SLC43A3: variants seen among roughly 807,000 people sequenced by gnomAD.
SLC43A3 encodes solute carrier family 43 member 3.
Under a neutral mutation model 53.3 loss-of-function variants are expected in SLC43A3, and 33 were observed. That is an observed-to-expected ratio of 0.62 (90% CI 0.47 to 0.83). SLC43A3 has a LOEUF of 0.83. Ranked by LOEUF, SLC43A3 falls within the 40% of genes least tolerant of loss-of-function variation. The pLI is 0.00. For synonymous variants in SLC43A3, 236 were observed against 246.2 expected, an observed-to-expected ratio of 0.96 and a Z score of 0.39; for missense variants, 530 against 610.0, an observed-to-expected ratio of 0.87 and a Z score of 1.38.
intron 12 of SLC43A3, 139 bp downstream of exon 12, chr11:57,409,796 C>T (rs962028162): frequency 1.8e-5 from 13 of 738,894 alleles, no homozygotes; most frequent in Non-Finnish European, 2.4e-5. Flanking sequence ...TGGTCTCACC[C>T]CCTCCACACC....
intron 5 of SLC43A3, chr11:57,423,632 G>T (rs1446285451): frequency 5.5e-6 from 1 of 182,626 alleles, no homozygotes; most frequent in Non-Finnish European, 1.2e-5. Flanking sequence ...ATTTCACCAT[G>T]TTGGCCAGGC....
chr11:57,416,287 G>A (rs1403527824), intron 9 of SLC43A3, among the ~76,000 whole-genome samples: 3 of 152,322 alleles, frequency 2.0e-5, no homozygotes, highest in Non-Finnish European at 2.9e-5. Flanking sequence ...CATCACAGAA[G>A]AGGGCAGAAC....
At position 57,407,283 on chromosome 11, in the gene SLC43A3, C is replaced by G. The variant is rs890775593; in HGVS notation, c.*509G>C. The stretch of plus-strand genomic sequence containing the variant: ...TCCAGCATCAGTGGCTGGGCTGAGA[C>G]TGGGCCCAGGGAACCCTGTCTGCTC... On this transcript the variant is annotated 3_prime_UTR_variant, in exon 14 of 14. Coordinates refer to ENST00000395124, the MANE Select transcript of SLC43A3 (RefSeq NM_199329.3). 1 of 154,510 alleles carries G rather than the reference C, an allele frequency of 6.5e-6. No individual in the cohort carries two copies. Among genetic ancestry groups the G allele is most frequent in the African/African-American group, 2.4e-5 (1 of 41,468 alleles). 9.6% of individuals were successfully genotyped at this position (154,510 alleles called of 1,614,324 possible).
intron 10 of SLC43A3, 48 bp from the exon 11 acceptor site, chr11:57,414,779 C>T: frequency 1.3e-6 from 2 of 1,560,308 alleles, no homozygotes; most frequent in Non-Finnish European, 1.8e-6. Flanking sequence ...TCCAAAACTC[C>T]CTTCCAGGCA....
intron 7 of SLC43A3, 56 bp downstream of exon 7, chr11:57,420,916 G>T: frequency 1.7e-6 from 2 of 1,189,182 alleles, no homozygotes; most frequent in Non-Finnish European, 2.5e-6. Context: ...AGGTTCACAA[G>T]ACAAGTGTCT....
At chr11:57,409,532 G>C (rs767027114) in intron 12 of SLC43A3, among the ~76,000 whole-genome samples, 5 of 152,210 alleles carry the variant, frequency 3.3e-5, no homozygotes, top group African/African-American at 4.8e-5. Context: ...CCTCATGCAG[G>C]CTGCACCAGG....
At position 57,426,168 on chromosome 11, in the gene SLC43A3, G is replaced by A. The variant is rs749643960; in HGVS notation, c.5C>T (p.Ala2Val). Residue 2 changes from alanine (A) to valine (V), a missense_variant, in exon 3 of 14, where the codon GCG (alanine) becomes GTG (valine). Physicochemically the swap from Ala to Val is moderately conservative, Grantham distance 64. Around this residue, in one of 3 missense-constraint regions of SLC43A3, gnomAD observed 30 missense variants for 57.0 expected, o/e 0.53. Transcript: ENST00000395124. Reference sequence around the variant, plus strand: ...CACGTGCAGGGGCAGGCCCTGGCCCGCCATGAGCAGAAGTGGAGTGGATCT... The same window carrying A: ...CACGTGCAGGGGCAGGCCCTGGCCCACCATGAGCAGAAGTGGAGTGGATCT... M[A>V]GQGLPLHVAT... 3.9e-5 allele frequency: 63 copies of A among 1,613,846 alleles called. No individual in the cohort carries two copies. The highest frequency in any genetic ancestry group is 3.3e-4 in the Middle Eastern group (2 of 6,038).
intron 4 of SLC43A3, among the ~76,000 whole-genome samples, chr11:57,424,655 G>A (rs1012386457): frequency 1.3e-5 from 2 of 152,124 alleles, no homozygotes; most frequent in African/African-American, 2.4e-5. Context: ...GAAGAGGGAG[G>A]GGACAAAGGA....
At chr11:57,410,755 C>A (rs1475561017) in intron 11 of SLC43A3, among the ~76,000 whole-genome samples, 1 of 152,188 alleles carries the variant, frequency 6.6e-6, no homozygotes, top group African/African-American at 2.4e-5. Context: ...AATTATATCT[C>A]CCAGAATTCC....
chr11:57,418,550 G>A (rs985766036), intron 7 of SLC43A3, among the ~76,000 whole-genome samples: 3 of 152,074 alleles, frequency 2.0e-5, no homozygotes, highest in African/African-American at 7.2e-5. Context: ...AAATAAATCA[G>A]CTGGGCGTGA....
intron 7 of SLC43A3, among the ~76,000 whole-genome samples, chr11:57,418,815 G>C (rs1350602390): frequency 6.6e-6 from 1 of 151,962 alleles, no homozygotes; most frequent in Non-Finnish European, 1.5e-5. Context: ...GCTTGAACCC[G>C]GGAGGCGGAG....
At chr11:57,415,751 C>G (rs1942691207) in intron 9 of SLC43A3, among the ~76,000 whole-genome samples, 1 of 152,176 alleles carries the variant, frequency 6.6e-6, no homozygotes, top group Non-Finnish European at 1.5e-5. Context: ...GAACCCTATT[C>G]TTCTTTCTTT....
Position 57,407,770 on chromosome 11 carries a change from C to T in SLC43A3, c.*22G>A. ...AAGATGAACAAAACCATCCTCGGGG[C>T]TGAAAAGTGAGGGCTTCTGAACTAT... On this transcript the variant is annotated 3_prime_UTR_variant, in exon 14 of 14. Transcript: ENST00000395124. 6 of 1,508,676 alleles carry T rather than the reference C, an allele frequency of 4.0e-6. No individual in the cohort carries two copies. The highest frequency in any genetic ancestry group is 5.5e-6 in the Non-Finnish European group (6 of 1,085,244). 93.5% of individuals were successfully genotyped at this position (1,508,676 alleles called of 1,614,324 possible).
At position 57,425,665 on chromosome 11, in the gene SLC43A3, T is replaced by C. The variant is rs751813933; in HGVS notation, c.190A>G (p.Lys64Glu). The C allele has an allele frequency of 1.2e-6, 2 of 1,614,076 alleles. No individual in the cohort carries two copies. Among genetic ancestry groups the C allele is most frequent in the South Asian group, 2.2e-5 (2 of 91,076 alleles). The change falls in exon 4 of 14, where the codon AAA becomes GAA. Residue 64 changes from lysine to glutamate, a missense_variant. Lys to Glu is a moderately conservative substitution (Grantham distance 56). Coordinates refer to ENST00000395124, the MANE Select transcript of SLC43A3 (RefSeq NM_199329.3). ...AGTGAGAACCTCTCATCCTGGGCTTTGCAGTCTGGAGTAGAAAAAAGGTCT... is the reference window on the plus strand; with the variant it reads ...AGTGAGAACCTCTCATCCTGGGCTTCGCAGTCTGGAGTAGAAAAAAGGTCT... ...IGNATGQADCKAQDERFSLIF... is the reference protein window; with the variant it reads ...IGNATGQADCEAQDERFSLIF...
intron 5 of SLC43A3, 79 bp from the exon 6 acceptor site, chr11:57,421,452 T>A: frequency 9.6e-7 from 1 of 1,037,758 alleles, no homozygotes; most frequent in Non-Finnish European, 1.5e-6. Flanking sequence ...TCCCACCTGC[T>A]CCAAATTCCC....
At chr11:57,412,129 C>T (rs1942503579) in intron 11 of SLC43A3, among the ~76,000 whole-genome samples, 1 of 152,148 alleles carries the variant, frequency 6.6e-6, no homozygotes, top group African/African-American at 2.4e-5. Context: ...GGAAAAATGA[C>T]AATTTCATGT....
At position 57,409,208 on chromosome 11, in the gene SLC43A3, G is replaced by A. The variant is rs1180769902; in HGVS notation, c.1338C>T (p.Leu446=). Residue 446 remains leucine, a synonymous_variant, in exon 13 of 14, where the codon CTC becomes CTT. Transcript: ENST00000395124. ...GGTCATTCTGAAGGGAGCCTTTGAT[G>A]AGGGTGAAGATGGGGAACTGGAGCA... ...VSLLQFPIFT[L]IKGSLQNDPF... 1 of 1,614,086 alleles carries A rather than the reference G, an allele frequency of 6.2e-7. No individual in the cohort carries two copies. The highest frequency in any genetic ancestry group is 8.5e-7 in the Non-Finnish European group (1 of 1,180,022).
chr11:57,425,656 C>A lies in SLC43A3; in HGVS notation c.199G>T (p.Asp67Tyr). The A allele has an allele frequency of 6.2e-7, 1 of 1,614,076 alleles. No homozygotes were observed. The highest frequency in any genetic ancestry group is 8.5e-7 in the Non-Finnish European group (1 of 1,180,010). Reference protein sequence around the residue: ...ATGQADCKAQDERFSLIFTLG... With the variant: ...ATGQADCKAQYERFSLIFTLG... The stretch of plus-strand genomic sequence containing the variant: ...GTGAAGATGAGTGAGAACCTCTCAT[C>A]CTGGGCTTTGCAGTCTGGAGTAGAA... Residue 67 changes from aspartate to tyrosine, a missense_variant, in exon 4 of 14, where the codon GAT becomes TAT. Coordinates refer to ENST00000395124, the MANE Select transcript of SLC43A3 (RefSeq NM_199329.3).
At chr11:57,425,776 C>T in intron 3 of SLC43A3, 106 bp from the exon 4 acceptor site, 4 of 1,537,930 alleles carry the variant, frequency 2.6e-6, no homozygotes, top group Non-Finnish European at 3.5e-6. Flanking sequence ...CAAACTTGTC[C>T]CTTAAGCTGA....
Sources: allele counts gnomAD v4.1 joint callset (sites outside exome capture counted in the v4.1 genomes callset), GRCh38; gene constraint gnomAD v4.1.1; regional missense constraint gnomAD v4.1.1; transcripts MANE v1.5; gene names NCBI Gene and HGNC (gene_info 2026-07-23, HGNC 2026-07-21).